The following CCL28 variants were observed in gnomAD, a reference collection of about 807,000 sequenced individuals.
CCL28 encodes the protein C-C motif chemokine ligand 28.
Under a neutral mutation model 7.1 loss-of-function variants are expected in CCL28, and 4 were observed. The observed-to-expected ratio is 0.56, with a 90% CI of 0.28 to 1.29. The LOEUF (loss-of-function observed/expected upper bound fraction) is 1.29, where lower values mean the gene tolerates loss of function less well. Ranked by LOEUF, CCL28 falls within the 50% of genes most tolerant of loss-of-function variation. The probability of loss-of-function intolerance (pLI) is 0.11; values close to 1 mark genes in which losing one functional copy is unlikely to be tolerated. For missense variants in CCL28, 151 were observed against 163.4 expected (o/e 0.92, Z 0.41); for synonymous variants, 55 against 57.8 (o/e 0.95, Z 0.22).
intron 2 of CCL28, among the ~76,000 whole-genome samples, chr5:43,386,811 G>A (rs1296962827): frequency 6.6e-6 from 1 of 152,064 alleles, no homozygotes; most frequent in Admixed American, 6.5e-5. Flanking sequence ...TGAAAGGGGG[G>A]AAAATATATT....
chr5:43,374,839 G>A (rs973334455), downstream of CCL28, among the ~76,000 whole-genome samples: 1 of 151,314 alleles, frequency 6.6e-6, no homozygotes, highest in Admixed American at 6.6e-5. Flanking sequence ...ACTACATTTA[G>A]GTCATCTTTG....
chr5:43,377,717 C>T (rs867534684), downstream of CCL28, among the ~76,000 whole-genome samples: 357 of 42,638 alleles, frequency 8.4e-3, no homozygotes, highest in East Asian at 0.031. Flanking sequence ...AGAACTTAAA[C>T]TTTTTTTTTT....
At chr5:43,408,662 T>C (rs1042016750) in intron 1 of CCL28, among the ~76,000 whole-genome samples, 1 of 152,056 alleles carries the variant, frequency 6.6e-6, no homozygotes, top group African/African-American at 2.4e-5. Flanking sequence ...TGTGGATGTA[T>C]GTGTGGGTTC....
chr5:43,371,356 C>T, the CCL28 span, among the ~76,000 whole-genome samples: 3 of 152,184 alleles, frequency 2.0e-5, no homozygotes, highest in Non-Finnish European at 2.9e-5. Flanking sequence ...CAGTGATCCT[C>T]GACTTCTGGT....
downstream of CCL28, among the ~76,000 whole-genome samples, chr5:43,373,800 AAGTTGGTCTTC>A (rs1739834328): frequency 6.6e-6 from 1 of 152,178 alleles, no homozygotes; most frequent in Admixed American, 6.5e-5. Context: ...GCGTTTAGCA[AAGTTGGTCTTC>A]CAGAAGCCGT....
downstream of CCL28, among the ~76,000 whole-genome samples, chr5:43,373,180 G>T (rs1739823092): frequency 6.6e-6 from 1 of 152,084 alleles, no homozygotes; most frequent in Admixed American, 6.6e-5. Context: ...GAATTTCTGG[G>T]TCATAGCATA....
At chr5:43,368,717 G>C in the CCL28 span, among the ~76,000 whole-genome samples, 1 of 152,052 alleles carries the variant, frequency 6.6e-6, no homozygotes, top group African/African-American at 2.4e-5. Flanking sequence ...GGGAATTTTG[G>C]ACACAGAAAT....
the CCL28 span, among the ~76,000 whole-genome samples, chr5:43,361,756 C>T: frequency 1.7e-4 from 26 of 152,188 alleles, no homozygotes; most frequent in Non-Finnish European, 3.8e-4. Context: ...GTCCCTTCCT[C>T]ATTGCTTATT....
chr5:43,391,075 C>T (rs1740552555), intron 1 of CCL28, among the ~76,000 whole-genome samples: 1 of 152,136 alleles, frequency 6.6e-6, no homozygotes, highest in South Asian at 2.1e-4. Context: ...AGGGGGAAAA[C>T]ATTTCTAACA....
chr5:43,380,311 G>C lies in CCL28; in HGVS notation c.*1549C>G, dbSNP rs577656848. The C allele has an allele frequency of 9.2e-5, 14 of 152,240 alleles. No homozygotes were observed. Among genetic ancestry groups the C allele is most frequent in the African/African-American group, 3.4e-4 (14 of 41,520 alleles). 9.4% of individuals were successfully genotyped at this position (152,240 alleles called of 1,614,324 possible). A position where few individuals can be genotyped will look rare whatever the true frequency, so the allele number is the denominator to read the frequency against. On this transcript the variant is annotated 3_prime_UTR_variant, in exon 3 of 3. Transcript: ENST00000361115. ...TTCTGGGCAGAAAGGCAGGCTTTTT[G>C]TTCTTTTCAGTATCAGAAAATTTCA...
chr5:43,393,705 A>G (rs1164395363), intron 1 of CCL28, among the ~76,000 whole-genome samples: 1 of 150,890 alleles, frequency 6.6e-6, no homozygotes, highest in African/African-American at 2.4e-5. Context: ...AGTGTATCTT[A>G]ATCTTTACTT....
At chr5:43,368,875 G>A in the CCL28 span, among the ~76,000 whole-genome samples, 1 of 151,978 alleles carries the variant, frequency 6.6e-6, no homozygotes, top group Non-Finnish European at 1.5e-5. Flanking sequence ...CAGACTTCTA[G>A]ACTCTGAAAC....
chr5:43,409,410 G>C (rs1355945083), intron 1 of CCL28, among the ~76,000 whole-genome samples: 1 of 152,022 alleles, frequency 6.6e-6, no homozygotes, highest in African/African-American at 2.4e-5. Flanking sequence ...TGGGCGACAA[G>C]AGCAACAAAC....
At chr5:43,392,820 T>G (rs1740631890) in intron 1 of CCL28, among the ~76,000 whole-genome samples, 1 of 152,200 alleles carries the variant, frequency 6.6e-6, no homozygotes, top group Middle Eastern at 3.2e-3. Context: ...TTTTAAAAAA[T>G]TATTTATAAG....
At chr5:43,358,465 C>T in the CCL28 span, among the ~76,000 whole-genome samples, 8 of 152,206 alleles carry the variant, frequency 5.3e-5, no homozygotes, top group Non-Finnish European at 8.8e-5. Context: ...GAAGATTTGG[C>T]TATCTTTCTC....
the CCL28 span, among the ~76,000 whole-genome samples, chr5:43,365,171 A>G: frequency 6.6e-6 from 1 of 151,654 alleles, no homozygotes. Context: ...TATCCAGCTA[A>G]TTTTTGTATT....
chr5:43,375,839 G>A (rs562964920), downstream of CCL28, among the ~76,000 whole-genome samples: 8 of 152,178 alleles, frequency 5.3e-5, no homozygotes, highest in Non-Finnish European at 7.4e-5. Context: ...CCAACTACTC[G>A]GGAGGCTGAG....
At chr5:43,387,594 C>T (rs901502667) in intron 2 of CCL28, among the ~76,000 whole-genome samples, 1 of 152,082 alleles carries the variant, frequency 6.6e-6, no homozygotes, top group African/African-American at 2.4e-5. Flanking sequence ...TCTTTTTGAA[C>T]CTTTTCTTTT....
intron 1 of CCL28, among the ~76,000 whole-genome samples, chr5:43,410,372 T>C (rs2111928554): frequency 6.6e-6 from 1 of 152,366 alleles, no homozygotes. Context: ...CCAGTATCAC[T>C]TATTTTTAAA....
Sources: allele counts gnomAD v4.1 joint callset (sites outside exome capture counted in the v4.1 genomes callset), GRCh38; gene constraint gnomAD v4.1.1; transcripts MANE v1.5; gene names NCBI Gene and HGNC (gene_info 2026-07-23, HGNC 2026-07-21).